DMD: variants seen among roughly 807,000 people sequenced by gnomAD.
DMD encodes mutant dystrophin.
In DMD, 63 loss-of-function variants were observed where a neutral mutation model predicts 330.1. That is an observed-to-expected ratio of 0.19 (90% confidence interval 0.16 to 0.24). The LOEUF (loss-of-function observed/expected upper bound fraction) is 0.24, where lower values mean the gene tolerates loss of function less well. Among genes scored for constraint, DMD ranks in the 10% least tolerant of loss-of-function variants. DMD has a pLI of 1.00. For missense variants in DMD, 3,344 were observed against 2,684.1 expected (o/e 1.25, Z -5.43); for synonymous variants, 1,223 against 959.8 (o/e 1.27, Z -5.07).
At chrX:31,881,583 C>T (rs766385164) in intron 47 of DMD, among the ~76,000 whole-genome samples, 6 of 111,361 alleles carry the variant, frequency 5.4e-5, no homozygotes, top group East Asian at 2.8e-4. Flanking sequence ...TGGTAAATAC[C>T]GTATGCAGCT....
intron 41 of DMD, among the ~76,000 whole-genome samples, chrX:32,324,461 G>A (rs759416665): frequency 9.0e-6 from 1 of 111,050 alleles, no homozygotes; most frequent in South Asian, 3.8e-4. Flanking sequence ...CGTTAATGGT[G>A]ATTTAGAAAA....
chrX:31,199,895 G>A (rs745938594), intron 67 of DMD, among the ~76,000 whole-genome samples: 3 of 111,727 alleles, frequency 2.7e-5, no homozygotes, highest in African/African-American at 9.8e-5. Flanking sequence ...TTCAAACAAA[G>A]GGCAGAGGAC....
intron 64 of DMD, among the ~76,000 whole-genome samples, chrX:31,221,513 T>G (rs2046029148): frequency 8.9e-6 from 1 of 112,545 alleles, no homozygotes; most frequent in Admixed American, 9.3e-5. Context: ...AGACATCACC[T>G]CTTCAAACAA....
chrX:32,499,373 T>C (rs1276376344), intron 19 of DMD, among the ~76,000 whole-genome samples: 1 of 111,670 alleles, frequency 9.0e-6, no homozygotes, highest in Non-Finnish European at 1.9e-5. Context: ...TAAGCACACA[T>C]CAAATTTATA....
intron 50 of DMD, among the ~76,000 whole-genome samples, chrX:31,796,094 T>C (rs1361924177): frequency 8.9e-6 from 1 of 111,970 alleles, no homozygotes; most frequent in Non-Finnish European, 1.9e-5. Context: ...GCTTTTATCC[T>C]AGAAGAGAAA....
chrX:31,877,212 G>A lies in DMD; in HGVS notation c.6913-1839C>T, dbSNP rs548089201. ...TCTTGTAAATGCATGTATATATGTT[G>A]TGAAAAATTCATGAGACTGTATAAG... On this transcript the variant is annotated intron_variant, in intron 47 of 78. Coordinates refer to ENST00000357033, the MANE Select transcript of DMD (RefSeq NM_004006.3). Among the ~76,000 whole-genome samples the A allele has an allele frequency of 7.1e-5, 8 of 112,307 alleles. No homozygotes were observed. In the South Asian group the frequency reaches 2.6e-3, roughly 36 times the overall value.
intron 12 of DMD, 37 bp downstream of exon 12, chrX:32,614,266 T>C (rs371690385): frequency 1.6e-5 from 19 of 1,199,457 alleles, no homozygotes; most frequent in Non-Finnish European, 2.1e-5. Context: ...CAGAGTTTGC[T>C]TTCTAGTAGA....
At chrX:31,986,046 T>C (rs1033008157) in intron 44 of DMD, among the ~76,000 whole-genome samples, 19 of 110,957 alleles carry the variant, frequency 1.7e-4, no homozygotes, top group African/African-American at 6.2e-4. Context: ...ACGAGAATGG[T>C]TGGAGCCCCT....
At chrX:31,883,239 T>C (rs1382740683) in intron 47 of DMD, among the ~76,000 whole-genome samples, 1 of 111,718 alleles carries the variant, frequency 9.0e-6, no homozygotes, top group Non-Finnish European at 1.9e-5. Context: ...TGATTCTGTT[T>C]ATAGTAATTT....
At chrX:32,119,103 G>A (rs1452234958) in intron 44 of DMD, among the ~76,000 whole-genome samples, 1 of 110,632 alleles carries the variant, frequency 9.0e-6, no homozygotes, top group Non-Finnish European at 1.9e-5. Flanking sequence ...AGGAAAGCGG[G>A]CAGATCACTT....
chrX:32,251,326 G>A (rs1012561713), intron 43 of DMD, among the ~76,000 whole-genome samples: 4 of 110,885 alleles, frequency 3.6e-5, no homozygotes, highest in Non-Finnish European at 5.7e-5. Flanking sequence ...ATGTATCTTG[G>A]TCACAGATAT....
intron 57 of DMD, among the ~76,000 whole-genome samples, chrX:31,494,847 T>G (rs1303558250): frequency 1.8e-5 from 2 of 112,098 alleles, no homozygotes; most frequent in Admixed American, 1.9e-4. Flanking sequence ...GTCTCCTGAC[T>G]CCTAGTGCAC....
At chrX:33,286,232 T>G (rs6628792) in intron 1 of DMD, among the ~76,000 whole-genome samples, 1 of 111,275 alleles carries the variant, frequency 9.0e-6, no homozygotes. Context: ...GTTTTATATA[T>G]CTAGAATTTT....
At chrX:32,285,618 G>C (rs763008542) in intron 43 of DMD, among the ~76,000 whole-genome samples, 1 of 111,437 alleles carries the variant, frequency 9.0e-6, no homozygotes, top group Non-Finnish European at 1.9e-5. Context: ...GAGTGGCTGA[G>C]TTTCTTTGCC....
chrX:31,983,481 G>A (rs1328932302), intron 44 of DMD, among the ~76,000 whole-genome samples: 1 of 111,167 alleles, frequency 9.0e-6, no homozygotes, highest in Non-Finnish European at 1.9e-5. Context: ...AAACAAATAA[G>A]GTTAGCTATG....
intron 7 of DMD, among the ~76,000 whole-genome samples, chrX:32,726,142 A>G (rs924514174): frequency 1.8e-5 from 2 of 111,327 alleles, no homozygotes; most frequent in East Asian, 5.6e-4. Context: ...CTTTCTATGG[A>G]GGCAATGACA....
chrX:32,699,021 T>C (rs1198216023), intron 8 of DMD, 91 bp downstream of exon 8: 2 of 778,059 alleles, frequency 2.6e-6, no homozygotes, highest in Non-Finnish European at 3.9e-6. Flanking sequence ...TGTATATACA[T>C]ATAAGTTATA....
chrX:32,695,651 A>T (rs1475408098), intron 9 of DMD, among the ~76,000 whole-genome samples: 1 of 111,725 alleles, frequency 9.0e-6, no homozygotes, highest in African/African-American at 3.3e-5. Flanking sequence ...AAGAGTTGAA[A>T]ATTAATTGGA....
intron 29 of DMD, among the ~76,000 whole-genome samples, chrX:32,414,743 AATCT>A (rs1470545728): frequency 4.5e-5 from 5 of 112,158 alleles, no homozygotes; most frequent in African/African-American, 1.6e-4. Context: ...TTGGACAATA[AATCT>A]ATCTGTTTTT....
Sources: allele counts gnomAD v4.1 joint callset (sites outside exome capture counted in the v4.1 genomes callset), GRCh38; gene constraint gnomAD v4.1.1; transcripts MANE v1.5; gene names NCBI Gene and HGNC (gene_info 2026-07-23, HGNC 2026-07-21).